The following DKK2 variants were observed in gnomAD, a reference collection of about 807,000 sequenced individuals.
DKK2 encodes dickkopf-related protein 2.
DKK2 carries 11 observed loss-of-function variants against 28.1 expected under a neutral mutation model. The ratio of observed to expected loss-of-function variants is 0.39; its 90% confidence interval spans 0.25 to 0.65. The LOEUF (loss-of-function observed/expected upper bound fraction) is 0.65, where lower values mean the gene tolerates loss of function less well. DKK2 is among the 30% of genes least tolerant of loss of function. DKK2 has a pLI of 0.47. For synonymous variants in DKK2, 135 were observed against 126.5 expected (o/e 1.07, Z -0.45); for missense variants, 326 against 335.5 (o/e 0.97, Z 0.22).
At chr4:106,925,717 A>G (rs1724414892) in intron 2 of DKK2, 82 bp downstream of exon 2, 1 of 1,503,886 alleles carries the variant, frequency 6.6e-7, no homozygotes, top group Non-Finnish European at 8.9e-7. Flanking sequence ...AGTCTGAGTA[A>G]GGAGACGATA....
chr4:107,025,786 T>G (rs1314070320), intron 1 of DKK2, among the ~76,000 whole-genome samples: 1 of 152,240 alleles, frequency 6.6e-6, no homozygotes, highest in African/African-American at 2.4e-5. Context: ...ATCGTGACAT[T>G]GTAAACTTTG....
At chr4:107,014,529 G>A (rs1270966696) in intron 1 of DKK2, among the ~76,000 whole-genome samples, 6 of 151,048 alleles carry the variant, frequency 4.0e-5, no homozygotes, top group African/African-American at 1.5e-4. Flanking sequence ...CTGGTCATGG[G>A]GTACAAAGTT....
intron 1 of DKK2, among the ~76,000 whole-genome samples, chr4:106,995,406 A>G (rs1018609937): frequency 1.3e-5 from 2 of 152,190 alleles, no homozygotes; most frequent in African/African-American, 4.8e-5. Flanking sequence ...TACATGTGAT[A>G]AAAGTCTCAA....
rs559695674 is a variant in DKK2 at position 106,928,489 on chromosome 4, G to T, written c.223-2540C>A. On this transcript the variant is annotated intron_variant, in intron 1 of 3. Coordinates refer to ENST00000285311, the MANE Select transcript of DKK2 (RefSeq NM_014421.3). Reference sequence around the variant, plus strand: ...AAATAAATTTTTTAATAATTAAAAAGTAAAGTTGTATTACACAGCTTCTAA... The same window carrying T: ...AAATAAATTTTTTAATAATTAAAAATTAAAGTTGTATTACACAGCTTCTAA... 3.3e-4 allele frequency among the ~76,000 whole-genome samples: 50 copies of T among 152,216 alleles called. No homozygotes were observed. In the South Asian group the frequency reaches 9.9e-3, roughly 30 times the overall value.
intron 1 of DKK2, among the ~76,000 whole-genome samples, chr4:106,932,311 G>A (rs1041612808): frequency 5.3e-5 from 8 of 152,198 alleles, no homozygotes; most frequent in Admixed American, 2.0e-4. Context: ...TTCAGAAAGC[G>A]TCATTTAAAT....
chr4:107,011,229 T>C (rs1244437691), intron 1 of DKK2, among the ~76,000 whole-genome samples: 1 of 151,622 alleles, frequency 6.6e-6, no homozygotes. Context: ...ATGAACATCA[T>C]ATAATCTGTG....
At chr4:107,016,452 G>A (rs1723606809) in intron 1 of DKK2, among the ~76,000 whole-genome samples, 1 of 151,744 alleles carries the variant, frequency 6.6e-6, no homozygotes, top group Non-Finnish European at 1.5e-5. Flanking sequence ...GCAAACCCTA[G>A]ACTACAAAAT....
chr4:106,962,536 T>C (rs1287195968), intron 1 of DKK2, among the ~76,000 whole-genome samples: 1 of 141,170 alleles, frequency 7.1e-6, no homozygotes, highest in Admixed American at 7.1e-5. Context: ...TGTGTGTGTG[T>C]GTGTGTGTGT....
intron 1 of DKK2, among the ~76,000 whole-genome samples, chr4:106,940,343 A>G (rs1267402835): frequency 2.6e-5 from 4 of 152,132 alleles, no homozygotes; most frequent in African/African-American, 9.7e-5. Flanking sequence ...ATGCAGCCAA[A>G]AAACACATGA....
At chr4:106,945,543 A>C (rs1724763267) in intron 1 of DKK2, among the ~76,000 whole-genome samples, 1 of 152,250 alleles carries the variant, frequency 6.6e-6, no homozygotes, top group South Asian at 2.1e-4. Flanking sequence ...CTCTTTTGCA[A>C]ACTTCCAACA....
intron 1 of DKK2, among the ~76,000 whole-genome samples, chr4:106,926,274 T>A (rs1724425843): frequency 6.6e-6 from 1 of 152,180 alleles, no homozygotes; most frequent in African/African-American, 2.4e-5. Context: ...CAGTTGTAAT[T>A]ATTGCATTGA....
chr4:106,935,496 A>G (rs1326173408), intron 1 of DKK2, among the ~76,000 whole-genome samples: 1 of 152,196 alleles, frequency 6.6e-6, no homozygotes, highest in East Asian at 1.9e-4. Flanking sequence ...TTGCTAGCAC[A>G]GCAGTCTGAG....
intron 1 of DKK2, among the ~76,000 whole-genome samples, chr4:107,011,437 C>T (rs77609376): frequency 0.019 from 2,933 of 151,582 alleles, 39 homozygotes; most frequent in Middle Eastern, 0.037. Flanking sequence ...CTAAATAATT[C>T]AGTATAATTA....
Position 106,923,711 on chromosome 4 carries a change from A to C in DKK2, c.*243T>G. The C allele has an allele frequency of 2.0e-6, 1 of 495,796 alleles. No homozygotes were observed. Among genetic ancestry groups the C allele is most frequent in the Non-Finnish European group, 3.6e-6 (1 of 281,324 alleles). 30.7% of individuals were successfully genotyped at this position (495,796 alleles called of 1,614,324 possible). A position where few individuals can be genotyped will look rare whatever the true frequency, so the allele number is the denominator to read the frequency against. On this transcript the variant is annotated 3_prime_UTR_variant, in exon 4 of 4. Coordinates refer to ENST00000285311, the MANE Select transcript of DKK2 (RefSeq NM_014421.3). The stretch of plus-strand genomic sequence containing the variant: ...TGTTCTCTTAATAATAGCATTTTCC[A>C]CAAATGTGTACATTATTTACATAGA...
chr4:106,957,948 A>C (rs1722625344), intron 1 of DKK2, among the ~76,000 whole-genome samples: 1 of 150,380 alleles, frequency 6.6e-6, no homozygotes, highest in Non-Finnish European at 1.5e-5. Context: ...ATTTTAAAAA[A>C]GATGATTCTC....
chr4:107,028,162 C>T (rs1048301764), intron 1 of DKK2, among the ~76,000 whole-genome samples: 2 of 141,882 alleles, frequency 1.4e-5, no homozygotes, highest in Non-Finnish European at 3.1e-5. Context: ...ACAACATTGA[C>T]TTATCCTCTC....
intron 1 of DKK2, among the ~76,000 whole-genome samples, chr4:107,022,924 T>C (rs1723717911): frequency 6.6e-6 from 1 of 152,104 alleles, no homozygotes; most frequent in Non-Finnish European, 1.5e-5. Flanking sequence ...CTAATGGCCT[T>C]TATATGGAAT....
At chr4:106,943,890 G>A (rs1724738455) in intron 1 of DKK2, among the ~76,000 whole-genome samples, 1 of 152,056 alleles carries the variant, frequency 6.6e-6, no homozygotes, top group African/African-American at 2.4e-5. Flanking sequence ...GCATGTGGGA[G>A]CTATGACAAT....
chr4:106,962,051 G>T (rs1370382740), intron 1 of DKK2, among the ~76,000 whole-genome samples: 2 of 152,122 alleles, frequency 1.3e-5, no homozygotes, highest in Admixed American at 6.5e-5. Context: ...TTTAACCAGA[G>T]GGTTCTGAAC....
Sources: allele counts gnomAD v4.1 joint callset (sites outside exome capture counted in the v4.1 genomes callset), GRCh38; gene constraint gnomAD v4.1.1; transcripts MANE v1.5; gene names NCBI Gene and HGNC (gene_info 2026-07-23, HGNC 2026-07-21).